The following USP24 variants were observed in gnomAD, a reference collection of about 807,000 sequenced individuals.
USP24 encodes the protein ubiquitin specific peptidase 24, also known as ubiquitin carboxyl-terminal hydrolase 24.
A neutral mutation model predicts 361.6 loss-of-function variants in USP24; 97 were observed. That is an observed-to-expected ratio of 0.27 (90% CI 0.23 to 0.32). USP24 has a LOEUF of 0.32. Ranked by LOEUF, USP24 falls within the 10% of genes least tolerant of loss-of-function variation. The probability of loss-of-function intolerance (pLI) is 1.00; values close to 1 mark genes in which losing one functional copy is unlikely to be tolerated. For synonymous variants in USP24, 1,098 were observed against 1,124.6 expected, an observed-to-expected ratio of 0.98 and a Z score of 0.47; for missense variants, 2,353 against 3,165.6, an observed-to-expected ratio of 0.74 and a Z score of 6.16.
intron 34 of USP24, 71 bp downstream of exon 34, chr1:55,125,249 T>C (rs1282875612): frequency 3.5e-6 from 5 of 1,448,722 alleles, no homozygotes; most frequent in Non-Finnish European, 3.9e-6. Flanking sequence ...TATATCCCCA[T>C]AGCACCTCTT....
In USP24 at chr1:55,089,648, G is replaced by T; in HGVS notation, c.6647C>A (p.Ser2216Tyr). 1 of 1,593,636 alleles carries T rather than the reference G, an allele frequency of 6.3e-7. No homozygotes were observed. Among genetic ancestry groups the T allele is most frequent in the Non-Finnish European group, 8.6e-7 (1 of 1,168,958 alleles). Residue 2216 changes from serine (S) to tyrosine (Y), a missense_variant, in exon 55 of 68, where the codon TCT becomes TAT. Physicochemically the swap from Ser to Tyr is moderately radical, Grantham distance 144. Around this residue, in one of 8 missense-constraint regions of USP24, gnomAD observed 598 missense variants for 761.9 expected, o/e 0.78. Transcript: ENST00000294383. Reference sequence around the variant, plus strand: ...TTACTTTATCAATTCTCGTCCTTCAGAACTAATAAAATATTCAACTAACCA... The same window carrying T: ...TTACTTTATCAATTCTCGTCCTTCATAACTAATAAAATATTCAACTAACCA... ...CQWLVEYFIS[S>Y]EGRELIKIFL...
intron 7 of USP24, among the ~76,000 whole-genome samples, chr1:55,163,465 T>C (rs925132413): frequency 6.6e-6 from 1 of 152,010 alleles, no homozygotes; most frequent in Non-Finnish European, 1.5e-5. Context: ...ACTAGGTCAA[T>C]TCACAGAAGA....
In USP24 at chr1:55,141,702, A is replaced by G. The variant is rs1451316290; in HGVS notation, c.2664T>C (p.Thr888=). The G allele has an allele frequency of 6.2e-7, 1 of 1,610,616 alleles. No homozygotes were observed. Among genetic ancestry groups the G allele is most frequent in the Non-Finnish European group, 8.5e-7 (1 of 1,178,370 alleles). Reference sequence around the variant, plus strand: ...TTGCTCTGGTCACAGCATGTGTTAGAGTGGGGCCACCAAGTGCTGAACTGG... The same window carrying G: ...TTGCTCTGGTCACAGCATGTGTTAGGGTGGGGCCACCAAGTGCTGAACTGG... ...EAASSALGGP[T]LTHAVTRATK... Residue 888 remains threonine, a synonymous_variant, in exon 24 of 68, where the codon ACT becomes ACC. Coordinates refer to ENST00000294383, the MANE Select transcript of USP24 (RefSeq NM_015306.3).
intron 67 of USP24, chr1:55,071,263 CTT>C (rs2100382016): frequency 2.0e-6 from 2 of 988,172 alleles, no homozygotes; most frequent in South Asian, 9.3e-5. Context: ...TTAACTGACA[CTT>C]AGTTCAGTGT....
intron 1 of USP24, among the ~76,000 whole-genome samples, chr1:55,210,450 C>G (rs536652323): frequency 6.6e-6 from 1 of 152,204 alleles, no homozygotes; most frequent in East Asian, 1.9e-4. Context: ...TAATAGTTAA[C>G]TAAAAGCTAC....
intron 38 of USP24, among the ~76,000 whole-genome samples, chr1:55,116,276 G>C (rs494622): frequency 0.86 from 131,398 of 151,920 alleles, 56,901 homozygotes; most frequent in East Asian, 1. Flanking sequence ...AAACTTAAAG[G>C]TAGTAAAAGG....
At chr1:55,082,858 A>G (rs1363578568) in intron 58 of USP24, among the ~76,000 whole-genome samples, 1 of 152,206 alleles carries the variant, frequency 6.6e-6, no homozygotes, top group Non-Finnish European at 1.5e-5. Flanking sequence ...CAAGAGTATT[A>G]TATCTGCACT....
chr1:55,105,847 C>T (rs1202293384), intron 41 of USP24, among the ~76,000 whole-genome samples: 5 of 152,154 alleles, frequency 3.3e-5, no homozygotes, highest in African/African-American at 9.7e-5. Context: ...CTTGTACTTT[C>T]GACATAATTT....
chr1:55,115,475 G>A (rs1570443082), intron 38 of USP24, among the ~76,000 whole-genome samples: 1 of 112,842 alleles, frequency 8.9e-6, no homozygotes, highest in East Asian at 2.8e-4. Flanking sequence ...CAGCCTGGGC[G>A]ACAGAGCGAG....
intron 21 of USP24, 129 bp downstream of exon 21, chr1:55,143,998 A>AC: frequency 1.5e-6 from 1 of 666,844 alleles, no homozygotes; most frequent in South Asian, 2.5e-5. Flanking sequence ...AGAAGCTGGC[A>AC]GTCAAGGAGA....
At chr1:55,154,082 G>A (rs1043896738) in intron 15 of USP24, 37 bp downstream of exon 15, 1 of 1,611,764 alleles carries the variant, frequency 6.2e-7, no homozygotes, top group Non-Finnish European at 8.5e-7. Context: ...GAATACTGTT[G>A]CTCTAACAAC....
chr1:55,069,277 T>C (rs185209503), intron 67 of USP24, among the ~76,000 whole-genome samples, 170 bp from the exon 68 acceptor site: 8 of 152,382 alleles, frequency 5.2e-5, no homozygotes, highest in Admixed American at 5.2e-4. Flanking sequence ...AATTCATGAT[T>C]ATGTAAAACA....
At chr1:55,069,129 T>C in intron 67 of USP24, 22 bp from the exon 68 acceptor site, 1 of 1,613,666 alleles carries the variant, frequency 6.2e-7, no homozygotes, top group Non-Finnish European at 8.5e-7. Flanking sequence ...AAAAGGAAGT[T>C]AAAGTTCATA....
At chr1:55,081,294 T>C in intron 59 of USP24, 28 bp downstream of exon 59, 2 of 1,601,058 alleles carry the variant, frequency 1.2e-6, no homozygotes, top group Non-Finnish European at 1.7e-6. Context: ...ATTCAGTATC[T>C]CTTCATTCTA....
chr1:55,147,623 T>C, intron 18 of USP24, 26 bp downstream of exon 18: 2 of 1,561,108 alleles, frequency 1.3e-6, no homozygotes, highest in Non-Finnish European at 1.7e-6. Flanking sequence ...TTGTAAATCA[T>C]GAAGCAAAAA....
At chr1:55,153,363 C>A (rs1453405737) in intron 16 of USP24, among the ~76,000 whole-genome samples, 1 of 152,176 alleles carries the variant, frequency 6.6e-6, no homozygotes, top group Non-Finnish European at 1.5e-5. Context: ...TAAAATGAAG[C>A]CCCAGCAACA....
chr1:55,180,480 C>A (rs1298375099), intron 1 of USP24, among the ~76,000 whole-genome samples: 1 of 152,128 alleles, frequency 6.6e-6, no homozygotes, highest in African/African-American at 2.4e-5. Context: ...ATGAGTCCAG[C>A]CTACAGTCAT....
intron 54 of USP24, among the ~76,000 whole-genome samples, chr1:55,091,341 T>G (rs1306114539): frequency 6.6e-6 from 1 of 152,144 alleles, no homozygotes; most frequent in Non-Finnish European, 1.5e-5. Context: ...ACATGAGGGA[T>G]CTAGGCTGTG....
intron 10 of USP24, among the ~76,000 whole-genome samples, chr1:55,157,956 A>G (rs1647858519): frequency 6.6e-6 from 1 of 152,128 alleles, no homozygotes; most frequent in African/African-American, 2.4e-5. Flanking sequence ...TCCAAATTTT[A>G]TATGTGGAAA....
Sources: gnomAD v4.1 joint callset for allele counts (sites outside exome capture counted in the v4.1 genomes callset) on GRCh38, gnomAD v4.1.1 for gene constraint, gnomAD v4.1.1 regional missense constraint, MANE v1.5 for transcripts, NCBI Gene and HGNC (gene_info 2026-07-23, HGNC 2026-07-21) for gene names.